The following RNF125 variants were observed in gnomAD, a reference collection of about 807,000 sequenced individuals.
RNF125 encodes the protein E3 ubiquitin-protein ligase RNF125.
Under a neutral mutation model 26.0 loss-of-function variants are expected in RNF125, and 21 were observed. The observed-to-expected ratio is 0.81, with a 90% CI of 0.57 to 1.16. The LOEUF (loss-of-function observed/expected upper bound fraction) is 1.16. Among genes scored for constraint, RNF125 ranks in the 50% most tolerant of loss-of-function variants. RNF125 has a pLI of 0.00. For synonymous variants in RNF125, 95 were observed against 109.2 expected (o/e 0.87, Z 0.81); for missense variants, 270 against 299.4 (o/e 0.90, Z 0.72).
At chr18:32,056,859 C>T (rs1598823518) in intron 4 of RNF125, among the ~76,000 whole-genome samples, 1 of 152,114 alleles carries the variant, frequency 6.6e-6, no homozygotes, top group East Asian at 1.9e-4. Context: ...AACCTTCTTC[C>T]TTACCTCTCT....
intron 4 of RNF125, among the ~76,000 whole-genome samples, chr18:32,055,872 G>C (rs1166583972): frequency 6.6e-6 from 1 of 150,780 alleles, no homozygotes; most frequent in Non-Finnish European, 1.5e-5. Flanking sequence ...CCAGCTTCTC[G>C]GGAGGCTGAG....
intron 4 of RNF125, among the ~76,000 whole-genome samples, chr18:32,053,783 GA>G (rs2039352200): frequency 6.6e-6 from 1 of 151,630 alleles, no homozygotes; most frequent in Non-Finnish European, 1.5e-5. Flanking sequence ...AAAAAAAATA[GA>G]ACTGGAAAGC....
chr18:32,073,070 A>G lies in RNF125; in HGVS notation c.*4686A>G, dbSNP rs2039546936. On this transcript the variant is annotated 3_prime_UTR_variant, in exon 6 of 6. Coordinates refer to ENST00000217740, the MANE Select transcript of RNF125 (RefSeq NM_017831.4). ...AAGTCACTAAGAGATTCATTCTTTT[A>G]TTATTCAACTACAAAAAAATAGTGT... The G allele has an allele frequency of 6.6e-6, 1 of 151,838 alleles. No individual in the cohort carries two copies. The highest frequency in any genetic ancestry group is 2.4e-5 in the African/African-American group (1 of 41,276). 9.4% of individuals were successfully genotyped at this position (151,838 alleles called of 1,614,324 possible).
At chr18:32,021,157 T>C (rs1295515789) in intron 1 of RNF125, among the ~76,000 whole-genome samples, 1 of 152,168 alleles carries the variant, frequency 6.6e-6, no homozygotes, top group Non-Finnish European at 1.5e-5. Context: ...CTTGGCTCAC[T>C]GCAAGCTCCG....
chr18:32,066,103 A>G, intron 5 of RNF125, 94 bp downstream of exon 5: 1 of 750,374 alleles, frequency 1.3e-6, no homozygotes, highest in Admixed American at 2.1e-5. Context: ...AGAGGAAAAA[A>G]TGTGTATATA....
intron 4 of RNF125, among the ~76,000 whole-genome samples, chr18:32,049,851 C>G (rs1041571834): frequency 6.6e-6 from 1 of 152,004 alleles, no homozygotes; most frequent in East Asian, 1.9e-4. Flanking sequence ...TGATTTACCC[C>G]ATGGTTAGGA....
At chr18:32,081,150 C>T in the RNF125 span, among the ~76,000 whole-genome samples, 8 of 147,070 alleles carry the variant, frequency 5.4e-5, no homozygotes, top group Admixed American at 1.4e-4. Flanking sequence ...GCCAAGATCT[C>T]GCCACTGGAC....
At chr18:32,055,666 T>G (rs1388393456) in intron 4 of RNF125, among the ~76,000 whole-genome samples, 2 of 152,022 alleles carry the variant, frequency 1.3e-5, no homozygotes, top group Non-Finnish European at 2.9e-5. Flanking sequence ...CCTTGACACT[T>G]GGAGATTGTG....
chr18:32,032,338 A>G (rs1015014559), intron 1 of RNF125, among the ~76,000 whole-genome samples: 1 of 149,060 alleles, frequency 6.7e-6, no homozygotes, highest in African/African-American at 2.5e-5. Context: ...TCAGCCTCCC[A>G]AAGTGTTAGG....
downstream of RNF125, among the ~76,000 whole-genome samples, chr18:32,077,407 G>C (rs2039577757): frequency 6.9e-6 from 1 of 144,944 alleles, no homozygotes; most frequent in Non-Finnish European, 1.5e-5. Context: ...TGTTGCCCAG[G>C]CTAGAGTGCA....
Position 32,065,229 on chromosome 18 carries a change from G to A in RNF125, c.505-673G>A, listed in dbSNP as rs369605003. ...CCTGTTGTTGTTTTTTGTTGTTATT[G>A]TTTGTTTTGTTTTGTCTTGTTTTTT... On this transcript the variant is annotated intron_variant, in intron 4 of 5. Coordinates refer to ENST00000217740, the MANE Select transcript of RNF125 (RefSeq NM_017831.4). 4.6e-5 allele frequency among the ~76,000 whole-genome samples: 7 copies of A among 152,036 alleles called. No individual in the cohort carries two copies. The East Asian group carries it at 9.7e-4, about 21-fold the overall frequency.
downstream of RNF125, chr18:32,076,379 G>GATT: frequency 4.6e-6 from 1 of 218,474 alleles, no homozygotes; most frequent in South Asian, 6.2e-5. Flanking sequence ...GCAGTGGTAT[G>GATT]ATTACAGCTC....
chr18:32,049,336 G>A (rs1253006331), intron 4 of RNF125, among the ~76,000 whole-genome samples: 2 of 152,168 alleles, frequency 1.3e-5, no homozygotes, highest in Non-Finnish European at 2.9e-5. Flanking sequence ...ATTAAATTCT[G>A]TCACTGTTTC....
Position 32,037,118 on chromosome 18 carries a change from T to G in RNF125, c.167T>G (p.Phe56Cys). Reference protein sequence around the residue: ...QPVRTRCGHVFCRSCIATSLK... With the variant: ...QPVRTRCGHVCCRSCIATSLK... ...TATTTTTGGTCTGTTTGGGGTAGAT[T>G]CTGCCGTTCCTGTATTGCTACCAGT... The change falls in exon 2 of 6, where the codon TTC becomes TGC. Residue 56 changes from phenylalanine to cysteine, a missense_variant and splice_region_variant. By Grantham distance (205) the Phe-to-Cys change is radical. Transcript: ENST00000217740. The G allele has an allele frequency of 6.2e-7, 1 of 1,602,428 alleles. No individual in the cohort carries two copies.
At chr18:32,050,858 TAGAGTG>T in intron 4 of RNF125, among the ~76,000 whole-genome samples, 1 of 139,946 alleles carries the variant, frequency 7.1e-6, no homozygotes, top group African/African-American at 2.7e-5. Flanking sequence ...TCTCTCGGTC[TAGAGTG>T]CTTTTTTTTT....
chr18:32,070,495 T>G lies in RNF125; in HGVS notation c.*2111T>G, dbSNP rs1401947239. ...CTACAGGGTTTTTATCTAACCTTTC[T>G]GTTACAACTGTACCTCTCCTTCTGT... On this transcript the variant is annotated 3_prime_UTR_variant, in exon 6 of 6. Coordinates refer to ENST00000217740, the MANE Select transcript of RNF125 (RefSeq NM_017831.4). The G allele has an allele frequency of 6.6e-6, 1 of 152,160 alleles. No individual in the cohort carries two copies. The highest frequency in any genetic ancestry group is 2.4e-5 in the African/African-American group (1 of 41,432). The allele number at this position is 152,160 out of a possible 1,614,324, so 9.4% of individuals were successfully genotyped here.
chr18:32,059,471 A>G lies in RNF125; in HGVS notation c.505-6431A>G, dbSNP rs370557211. ...TTTGCCTGTTTTAAATTGAATTACT[A>G]ATTTCTTTTCCTGTAGAGTTGTTTG... On this transcript the variant is annotated intron_variant, in intron 4 of 5. Coordinates refer to ENST00000217740, the MANE Select transcript of RNF125 (RefSeq NM_017831.4). 1.1e-4 allele frequency among the ~76,000 whole-genome samples: 16 copies of G among 152,188 alleles called. No homozygotes were observed. In the East Asian group the frequency reaches 2.9e-3, roughly 28 times the overall value.
chr18:32,025,285 T>G (rs2039022347), intron 1 of RNF125, among the ~76,000 whole-genome samples: 1 of 151,838 alleles, frequency 6.6e-6, no homozygotes, highest in Non-Finnish European at 1.5e-5. Flanking sequence ...CCAGAGAGAT[T>G]AGGAAGTTTA....
At chr18:32,056,572 G>C (rs1228359454) in intron 4 of RNF125, among the ~76,000 whole-genome samples, 2 of 135,044 alleles carry the variant, frequency 1.5e-5, no homozygotes, top group African/African-American at 5.7e-5. Context: ...AGTGAGCCAA[G>C]ATCACGCCGT....
Sources: allele counts gnomAD v4.1 joint callset (sites outside exome capture counted in the v4.1 genomes callset), GRCh38; gene constraint gnomAD v4.1.1; transcripts MANE v1.5; gene names NCBI Gene and HGNC (gene_info 2026-07-23, HGNC 2026-07-21).